Variants in MYO16 observed in about 807,000 individuals in gnomAD.
MYO16 encodes the protein unconventional myosin-XVI.
In MYO16, 94 loss-of-function variants were observed where a neutral mutation model predicts 205.3. The observed-to-expected ratio is 0.46, with a 90% CI of 0.39 to 0.54. The LOEUF (loss-of-function observed/expected upper bound fraction) is 0.54, where lower values mean the gene tolerates loss of function less well. Among genes scored for constraint, MYO16 ranks in the 20% least tolerant of loss-of-function variants. The pLI, the probability that MYO16 is intolerant of heterozygous loss-of-function variation, is 0.00. For synonymous variants in MYO16, 988 were observed against 954.0 expected (o/e 1.04, Z -0.66); for missense variants, 2,315 against 2,387.5 (o/e 0.97, Z 0.63).
chr13:108,624,445 T>C (rs1879656751), intron 1 of MYO16, among the ~76,000 whole-genome samples: 1 of 152,188 alleles, frequency 6.6e-6, no homozygotes, highest in South Asian at 2.1e-4. Context: ...ATCACACATG[T>C]GCACATAAAC....
chr13:108,896,300 G>A (rs957653998), intron 14 of MYO16, among the ~76,000 whole-genome samples: 12 of 151,760 alleles, frequency 7.9e-5, no homozygotes, highest in African/African-American at 1.2e-4. Context: ...TATTTTCACC[G>A]TATGTATATA....
At chr13:108,660,645 T>C in intron 1 of MYO16, among the ~76,000 whole-genome samples, 1 of 152,198 alleles carries the variant, frequency 6.6e-6, no homozygotes, top group East Asian at 1.9e-4. Flanking sequence ...TCCACCCCTT[T>C]ACTTTAAGTT....
chr13:108,614,561 A>G (rs530088713), intron 1 of MYO16, among the ~76,000 whole-genome samples: 1 of 152,122 alleles, frequency 6.6e-6, no homozygotes, highest in Non-Finnish European at 1.5e-5. Context: ...GACATATCCC[A>G]ATTACAAAAT....
chr13:109,135,211 GAC>G (rs1566524942), intron 31 of MYO16, among the ~76,000 whole-genome samples: 4 of 152,212 alleles, frequency 2.6e-5, no homozygotes. Context: ...GAGATCAGGC[GAC>G]ACACAGTGGT....
intron 4 of MYO16, among the ~76,000 whole-genome samples, chr13:108,751,386 A>G (rs1885233505): frequency 6.6e-6 from 1 of 152,230 alleles, no homozygotes; most frequent in Admixed American, 6.5e-5. Flanking sequence ...GATTTAAGCA[A>G]CATGATAAAA....
At chr13:108,902,612 TC>T (rs1880762180) in intron 15 of MYO16, among the ~76,000 whole-genome samples, 1 of 152,194 alleles carries the variant, frequency 6.6e-6, no homozygotes, top group African/African-American at 2.4e-5. Context: ...TGGGGGGACC[TC>T]CCCTGCCCAT....
intron 8 of MYO16, among the ~76,000 whole-genome samples, chr13:108,821,951 T>A (rs2391697): frequency 0.85 from 129,089 of 152,080 alleles, 58,697 homozygotes; most frequent in Non-Finnish European, 1. Context: ...AATACTTTTA[T>A]CACATGCAAA....
intron 16 of MYO16, among the ~76,000 whole-genome samples, chr13:108,917,465 A>G (rs191077008): frequency 7.9e-5 from 12 of 152,374 alleles, no homozygotes; most frequent in African/African-American, 2.6e-4. Context: ...TGCAAGTGTC[A>G]GTAAGTCTGG....
At chr13:108,766,092 A>G (rs71435295) in intron 4 of MYO16, among the ~76,000 whole-genome samples, 12,064 of 152,270 alleles carry the variant, frequency 0.079, 613 homozygotes, top group Non-Finnish European at 0.12. Flanking sequence ...ACTCCCCACC[A>G]TATAACCTCC....
At chr13:108,620,791 A>G (rs891093575) in intron 1 of MYO16, among the ~76,000 whole-genome samples, 4 of 152,046 alleles carry the variant, frequency 2.6e-5, no homozygotes, top group Admixed American at 6.6e-5. Flanking sequence ...TCCCAAACAC[A>G]CTATCCTCTT....
the MYO16 span, among the ~76,000 whole-genome samples, chr13:108,586,736 G>A: frequency 6.6e-6 from 1 of 152,168 alleles, no homozygotes; most frequent in Admixed American, 6.5e-5. Context: ...TATAACAAGT[G>A]GTGGGATTCT....
At chr13:108,834,038 A>T (rs1876766426) in intron 9 of MYO16, among the ~76,000 whole-genome samples, 1 of 152,232 alleles carries the variant, frequency 6.6e-6, no homozygotes. Flanking sequence ...GAAAGTGCAG[A>T]AAAACATATA....
intron 23 of MYO16, among the ~76,000 whole-genome samples, chr13:109,020,980 A>G (rs1886004352): frequency 6.6e-6 from 1 of 152,204 alleles, no homozygotes; most frequent in Non-Finnish European, 1.5e-5. Context: ...ATATAATAAT[A>G]TCAACAAATG....
chr13:109,007,275 C>T (rs1461121317), intron 21 of MYO16, among the ~76,000 whole-genome samples: 1 of 151,998 alleles, frequency 6.6e-6, no homozygotes, highest in Non-Finnish European at 1.5e-5. Flanking sequence ...GTAGTCCCAG[C>T]TACTCGGGAG....
At chr13:108,783,584 G>A (rs1354792268) in intron 4 of MYO16, among the ~76,000 whole-genome samples, 2 of 152,136 alleles carry the variant, frequency 1.3e-5, no homozygotes, top group African/African-American at 4.8e-5. Context: ...GGGACCAGGG[G>A]CAGAATGATG....
intron 9 of MYO16, among the ~76,000 whole-genome samples, chr13:108,832,872 ATG>A (rs1876702508): frequency 6.6e-6 from 1 of 152,150 alleles, no homozygotes. Context: ...ATTCTACAGA[ATG>A]TGTTTACAAA....
chr13:108,797,241 GCCA>G (rs1466323471), intron 6 of MYO16, among the ~76,000 whole-genome samples: 1 of 152,192 alleles, frequency 6.6e-6, no homozygotes. Flanking sequence ...GTGTCTCTTA[GCCA>G]TCTTAATGGA....
At chr13:108,562,473 C>T in the MYO16 span, among the ~76,000 whole-genome samples, 1 of 152,184 alleles carries the variant, frequency 6.6e-6, no homozygotes, top group Non-Finnish European at 1.5e-5. Context: ...CTGTGACATG[C>T]ACACTGGTCC....
chr13:108,957,915 A>T, intron 17 of MYO16, 116 bp downstream of exon 17: 1 of 801,966 alleles, frequency 1.2e-6, no homozygotes, highest in Admixed American at 2.1e-5. Context: ...TGCCGAGGAC[A>T]CTGATGATTC....
Sources: gnomAD v4.1 joint callset for allele counts (sites outside exome capture counted in the v4.1 genomes callset) on GRCh38, gnomAD v4.1.1 for gene constraint, MANE v1.5 for transcripts, NCBI Gene and HGNC (gene_info 2026-07-23, HGNC 2026-07-21) for gene names.